TGM7: variants seen among roughly 807,000 people sequenced by gnomAD.
TGM7 encodes protein-glutamine gamma-glutamyltransferase Z.
Under a neutral mutation model 79.5 loss-of-function variants are expected in TGM7, and 74 were observed. The observed-to-expected ratio is 0.93, with a 90% CI of 0.77 to 1.13. The LOEUF (loss-of-function observed/expected upper bound fraction) is 1.13, where lower values mean the gene tolerates loss of function less well. TGM7 is among the 50% of genes most tolerant of loss of function. The pLI is 0.00. For synonymous variants in TGM7, 354 were observed against 362.5 expected (o/e 0.98, Z 0.27); for missense variants, 912 against 905.9 (o/e 1.01, Z -0.09).
chr15:43,299,738 T>C (rs2142424871), intron 1 of TGM7, among the ~76,000 whole-genome samples: 1 of 152,386 alleles, frequency 6.6e-6, no homozygotes, highest in Admixed American at 6.5e-5. Flanking sequence ...CCATTTCTCA[T>C]TATTGTTGTC....
At chr15:43,287,776 G>T in intron 4 of TGM7, 107 bp from the exon 5 acceptor site, 1 of 1,340,450 alleles carries the variant, frequency 7.5e-7, no homozygotes, top group Non-Finnish European at 1.0e-6. Flanking sequence ...TGGGGATGTG[G>T]GGGCAGGGGG....
intron 11 of TGM7, 76 bp downstream of exon 11, chr15:43,279,041 G>A: frequency 1.3e-6 from 2 of 1,495,322 alleles, no homozygotes. Context: ...ACAGTGTCTT[G>A]TTGGCTGCTG....
intron 4 of TGM7, among the ~76,000 whole-genome samples, chr15:43,290,972 T>A (rs937568634): frequency 9.5e-4 from 145 of 152,268 alleles, no homozygotes; most frequent in African/African-American, 3.4e-3. Context: ...GGCTGAGACG[T>A]TGGGGTTTTC....
chr15:43,281,911 C>G lies in TGM7; in HGVS notation c.1284G>C (p.Glu428Asp), dbSNP rs765851225. The G allele has an allele frequency of 3.1e-6, 5 of 1,614,162 alleles. No homozygotes were observed. The highest frequency in any genetic ancestry group is 3.3e-5 in the Admixed American group (2 of 60,024). Residue 428 changes from glutamate (E) to aspartate (D), a missense_variant, in exon 9 of 13, where the codon GAG (glutamate) becomes GAC (aspartate). Coordinates refer to ENST00000452443, the MANE Select transcript of TGM7 (RefSeq NM_052955.3). ...LAHNTSSIGK[E>D]ISTKMVGSDQ... The stretch of plus-strand genomic sequence containing the variant: ...CTGACCCCACCATCTTAGTGCTGAT[C>G]TCCTTCCCGATGGAACTGGTGTTGT...
chr15:43,293,497 G>C lies in TGM7; in HGVS notation c.145C>G (p.Arg49Gly). 6.2e-7 allele frequency: 1 copy of C among 1,611,352 alleles called. No individual in the cohort carries two copies. The highest frequency in any genetic ancestry group is 1.7e-5 in the Admixed American group (1 of 59,930). The change falls in exon 2 of 13, where the codon CGA becomes GGA. Residue 49 changes from arginine to glycine, a missense_variant. Transcript: ENST00000452443. The stretch of plus-strand genomic sequence containing the variant: ...TGGTCGTTCTGGGACTGGAAGGGTC[G>C]GCTGAAGCTCAGCCGGAGGTAGAAG... The part of the protein sequence containing the change: ...QPFYLRLSFS[R>G]PFQSQNDHIT...
In TGM7 at chr15:43,287,207, C is replaced by A. The variant is rs1216788595; in HGVS notation, c.865+73G>T. Reference sequence around the variant, plus strand: ...GTGGGGCCATGGGCAAGCTACTGAACCTTTATGAGCCACAGTTAACTTCTC... The same window carrying A: ...GTGGGGCCATGGGCAAGCTACTGAAACTTTATGAGCCACAGTTAACTTCTC... On this transcript the variant is annotated intron_variant, in intron 6 of 12. Transcript: ENST00000452443. 7 of 1,519,228 alleles carry A rather than the reference C, an allele frequency of 4.6e-6. No individual in the cohort carries two copies. In the Admixed American group the frequency reaches 7.9e-5, roughly 17 times the overall value. The allele number at this position is 1,519,228 out of a possible 1,614,324, so 94.1% of individuals were successfully genotyped here.
At chr15:43,278,091 GAC>G (rs1279395968) in intron 11 of TGM7, among the ~76,000 whole-genome samples, 1 of 152,234 alleles carries the variant, frequency 6.6e-6, no homozygotes, top group Non-Finnish European at 1.5e-5. Context: ...CCGACAGCCT[GAC>G]AGTGTGCCTG....
intron 4 of TGM7, among the ~76,000 whole-genome samples, chr15:43,289,531 C>T (rs2042954292): frequency 6.6e-6 from 1 of 152,102 alleles, no homozygotes; most frequent in Admixed American, 6.6e-5. Context: ...CATACGTGTG[C>T]ATGTGTCTTT....
rs766068431 is a variant in TGM7 at position 43,285,866 on chromosome 15, A to ACC, written c.866-916_866-915dup. Among the ~76,000 whole-genome samples, 2 of 150,062 alleles carry ACC rather than the reference A, an allele frequency of 1.3e-5. 1 individual carries two copies. The highest frequency in any genetic ancestry group is 6.4e-3 in the Middle Eastern group (2 of 314). On this transcript the variant is annotated intron_variant, in intron 6 of 12. Coordinates refer to ENST00000452443, the MANE Select transcript of TGM7 (RefSeq NM_052955.3). ...TACACACAAACACACACACACACAC[A>ACC]CCCCTGCCTGCCCAGAGCCAGATGA...
intron 1 of TGM7, among the ~76,000 whole-genome samples, chr15:43,296,572 TC>T (rs1231210283): frequency 6.6e-6 from 1 of 151,640 alleles, no homozygotes; most frequent in Non-Finnish European, 1.5e-5. Context: ...CATACACAAC[TC>T]CCACCCTGAA....
chr15:43,279,507 A>ATG lies in TGM7; in HGVS notation c.1678+116_1678+117dup, dbSNP rs1055701260. On this transcript the variant is annotated intron_variant, in intron 10 of 12. Transcript: ENST00000452443. ...GCAGCTGGCAGCTTCACTGCCCAGA[A>ATG]TGTGTGTGTGTTGGAGGAAGGGGTC... 1.8e-5 allele frequency: 24 copies of ATG among 1,331,038 alleles called. No homozygotes were observed. The African/African-American group carries it at 3.4e-4, about 19-fold the overall frequency. The allele number at this position is 1,331,038 out of a possible 1,614,324, so 82.5% of individuals were successfully genotyped here.
Position 43,292,691 on chromosome 15 carries a change from G to A in TGM7, c.439+18C>T. 6.2e-7 allele frequency: 1 copy of A among 1,613,234 alleles called. No individual in the cohort carries two copies. Among genetic ancestry groups the A allele is most frequent in the East Asian group, 2.2e-5 (1 of 44,878 alleles). ...CCAATGGATCAGGTTAGCAATACAAGCTGTGGGCACATCCTACCTGGACTC... is the reference window on the plus strand; with the variant it reads ...CCAATGGATCAGGTTAGCAATACAAACTGTGGGCACATCCTACCTGGACTC... On this transcript the variant is annotated intron_variant, in intron 3 of 12. Transcript: ENST00000452443.
intron 4 of TGM7, among the ~76,000 whole-genome samples, chr15:43,290,579 T>C (rs2042958910): frequency 6.6e-6 from 1 of 152,228 alleles, no homozygotes; most frequent in African/African-American, 2.4e-5. Context: ...AACTTTAAAG[T>C]AGCTTTTTCC....
At chr15:43,299,187 A>G (rs2043014746) in intron 1 of TGM7, among the ~76,000 whole-genome samples, 1 of 152,052 alleles carries the variant, frequency 6.6e-6, no homozygotes, top group Non-Finnish European at 1.5e-5. Context: ...TATTGAGGGG[A>G]AAGTGCTACT....
At chr15:43,286,503 C>T (rs1483004576) in intron 6 of TGM7, among the ~76,000 whole-genome samples, 1 of 152,202 alleles carries the variant, frequency 6.6e-6, no homozygotes, top group Non-Finnish European at 1.5e-5. Context: ...TCTGTGTCTG[C>T]AGCACCTGTA....
intron 7 of TGM7, among the ~76,000 whole-genome samples, chr15:43,283,317 G>A (rs911704747): frequency 1.3e-5 from 2 of 152,150 alleles, no homozygotes; most frequent in African/African-American, 4.8e-5. Context: ...TAATGATGTT[G>A]TTTAGAGCAT....
At chr15:43,287,190 A>G (rs2042939405) in intron 6 of TGM7, 90 bp downstream of exon 6, 1 of 1,466,172 alleles carries the variant, frequency 6.8e-7, no homozygotes, top group East Asian at 2.5e-5. Context: ...CTGTGGGGCC[A>G]TGGGCAAGCT....
At chr15:43,277,500 G>T (rs1035707830) in intron 11 of TGM7, among the ~76,000 whole-genome samples, 1 of 152,192 alleles carries the variant, frequency 6.6e-6, no homozygotes, top group Admixed American at 6.5e-5. Context: ...TAATGGCAGA[G>T]CCAGGACCTG....
intron 4 of TGM7, among the ~76,000 whole-genome samples, chr15:43,289,335 T>C (rs1247999161): frequency 1.3e-5 from 2 of 152,170 alleles, no homozygotes; most frequent in Admixed American, 1.3e-4. Flanking sequence ...GTCCTTGTGA[T>C]AGTTTGCTGA....
Sources: gnomAD v4.1 joint callset for allele counts (sites outside exome capture counted in the v4.1 genomes callset) on GRCh38, gnomAD v4.1.1 for gene constraint, MANE v1.5 for transcripts, NCBI Gene and HGNC (gene_info 2026-07-23, HGNC 2026-07-21) for gene names.